Variants in ZDHHC2 observed in about 807,000 individuals in gnomAD.
The protein encoded by ZDHHC2 is zDHHC palmitoyltransferase 2, also known as palmitoyltransferase ZDHHC2.
ZDHHC2 carries 51 observed loss-of-function variants against 55.6 expected under a neutral mutation model. The ratio of observed to expected loss-of-function variants is 0.92; its 90% CI spans 0.73 to 1.16. The LOEUF (loss-of-function observed/expected upper bound fraction) is 1.16, where lower values mean the gene tolerates loss of function less well. Ranked by LOEUF, ZDHHC2 falls within the 50% of genes most tolerant of loss-of-function variation. ZDHHC2 has a pLI of 0.00. For synonymous variants in ZDHHC2, 199 were observed against 152.9 expected (o/e 1.30, Z -2.22); for missense variants, 491 against 442.4 (o/e 1.11, Z -0.99).
intron 10 of ZDHHC2, among the ~76,000 whole-genome samples, chr8:17,211,450 A>G (rs1394374101): frequency 2.0e-5 from 3 of 152,152 alleles, no homozygotes; most frequent in South Asian, 2.1e-4. Flanking sequence ...CCTGGTAGCC[A>G]TTCTAAAGTT....
At chr8:17,204,857 A>G (rs776976012) in intron 6 of ZDHHC2, among the ~76,000 whole-genome samples, 1 of 152,180 alleles carries the variant, frequency 6.6e-6, no homozygotes, top group African/African-American at 2.4e-5. Flanking sequence ...AAAAATCTTA[A>G]CAAAAAGAAA....
chr8:17,173,143 C>T (rs374612701), intron 1 of ZDHHC2, among the ~76,000 whole-genome samples: 9 of 152,132 alleles, frequency 5.9e-5, no homozygotes, highest in African/African-American at 1.9e-4. Context: ...AGGAAGAGAA[C>T]GGCTGCCCAG....
chr8:17,211,871 A>G (rs1807400359), intron 10 of ZDHHC2, among the ~76,000 whole-genome samples: 1 of 152,184 alleles, frequency 6.6e-6, no homozygotes, highest in African/African-American at 2.4e-5. Context: ...ATATACCTCA[A>G]TGCAGAAAAA....
rs1490687346 is a variant in ZDHHC2 at position 17,221,604 on chromosome 8, T to C, written c.*1383T>C. Reference sequence around the variant, plus strand: ...ACCAAACATTCAACACAAAATAAACTAGAAGGCCAGAGGATAATGGAATAA... The same window carrying C: ...ACCAAACATTCAACACAAAATAAACCAGAAGGCCAGAGGATAATGGAATAA... On this transcript the variant is annotated 3_prime_UTR_variant, in exon 13 of 13. Transcript: ENST00000262096. 6.6e-6 allele frequency: 1 copy of C among 152,442 alleles called. No homozygotes were observed. Among genetic ancestry groups the C allele is most frequent in the Non-Finnish European group, 1.5e-5 (1 of 67,960 alleles). The allele number at this position is 152,442 out of a possible 1,614,324, so 9.4% of individuals were successfully genotyped here.
At chr8:17,200,535 A>G (rs1234086872) in intron 6 of ZDHHC2, among the ~76,000 whole-genome samples, 1 of 152,228 alleles carries the variant, frequency 6.6e-6, no homozygotes, top group African/African-American at 2.4e-5. Context: ...AGGGATTGTG[A>G]TGACAAGGAA....
At chr8:17,182,992 C>A (rs1464640907) in intron 1 of ZDHHC2, among the ~76,000 whole-genome samples, 1 of 152,188 alleles carries the variant, frequency 6.6e-6, no homozygotes, top group African/African-American at 2.4e-5. Flanking sequence ...GAACTCTTGA[C>A]CTCAGGTGAT....
rs530541058 is a variant in ZDHHC2 at position 17,208,335 on chromosome 8, T to C, written c.730+243T>C. 1.8e-4 allele frequency among the ~76,000 whole-genome samples: 27 copies of C among 149,982 alleles called. No homozygotes were observed. The South Asian group carries it at 5.0e-3, about 28-fold the overall frequency. On this transcript the variant is annotated intron_variant, in intron 8 of 12. Coordinates refer to ENST00000262096, the MANE Select transcript of ZDHHC2 (RefSeq NM_016353.5). ...CTATATATATATCTATATATAGATATATAGATATAGTGGCATATAGATATA... is the reference window on the plus strand; with the variant it reads ...CTATATATATATCTATATATAGATACATAGATATAGTGGCATATAGATATA...
intron 10 of ZDHHC2, among the ~76,000 whole-genome samples, chr8:17,214,710 A>G (rs1302541171): frequency 6.6e-6 from 1 of 152,046 alleles, no homozygotes; most frequent in Non-Finnish European, 1.5e-5. Context: ...GGCATTTGTG[A>G]TCAGGCTGGG....
At chr8:17,191,992 G>T (rs1276118354) in intron 3 of ZDHHC2, among the ~76,000 whole-genome samples, 1 of 151,872 alleles carries the variant, frequency 6.6e-6, no homozygotes, top group African/African-American at 2.4e-5. Context: ...TTACTTTATT[G>T]GTATTTTTTG....
intron 10 of ZDHHC2, among the ~76,000 whole-genome samples, 189 bp downstream of exon 10, chr8:17,210,669 A>T (rs1374558812): frequency 1.3e-5 from 2 of 152,208 alleles, no homozygotes; most frequent in African/African-American, 4.8e-5. Context: ...ATACTTGTAA[A>T]ATGGTGTTAT....
At position 17,202,424 on chromosome 8, in the gene ZDHHC2, A is replaced by G. The variant is rs530795011; in HGVS notation, c.477-3231A>G. 4.6e-5 allele frequency among the ~76,000 whole-genome samples: 7 copies of G among 152,264 alleles called. No individual in the cohort carries two copies. In the South Asian group the frequency reaches 1.4e-3, roughly 32 times the overall value. ...TTACTTCAAAGGCCACACTCCTTCC[A>G]ATGTATTATGTTCTTTTTCAAATTT... is the stretch of plus-strand genomic sequence containing the variant. On this transcript the variant is annotated intron_variant, in intron 6 of 12. Coordinates refer to ENST00000262096, the MANE Select transcript of ZDHHC2 (RefSeq NM_016353.5).
At chr8:17,195,390 A>G in intron 3 of ZDHHC2, 114 bp from the exon 4 acceptor site, 1 of 1,225,206 alleles carries the variant, frequency 8.2e-7, no homozygotes, top group Non-Finnish European at 1.1e-6. Context: ...GTCTCTTTGA[A>G]TGTACAATAT....
rs545274127 is a variant in ZDHHC2, at chr8:17,174,174, G to A, written c.131-10615G>A. The stretch of plus-strand genomic sequence containing the variant: ...GCGTAATCACAGCTCGTGCTGCCTC[G>A]ACCACCCAGATTTAATCAATCTTTC... On this transcript the variant is annotated intron_variant, in intron 1 of 12. Coordinates refer to ENST00000262096, the MANE Select transcript of ZDHHC2 (RefSeq NM_016353.5). Among the ~76,000 whole-genome samples, 430 of 149,518 alleles carry A rather than the reference G, an allele frequency of 2.9e-3. 2 individuals are homozygous for A. Among genetic ancestry groups the A allele is most frequent in the Non-Finnish European group, 3.0e-3 (204 of 67,684 alleles).
chr8:17,182,246 G>C (rs1805467657), intron 1 of ZDHHC2, among the ~76,000 whole-genome samples: 1 of 152,118 alleles, frequency 6.6e-6, no homozygotes. Flanking sequence ...ACAGATATGA[G>C]ATTTCTGTCC....
At chr8:17,194,938 C>T (rs1411555010) in intron 3 of ZDHHC2, among the ~76,000 whole-genome samples, 1 of 152,090 alleles carries the variant, frequency 6.6e-6, no homozygotes, top group Non-Finnish European at 1.5e-5. Flanking sequence ...TATTATTAAA[C>T]AGAAGCCCAA....
intron 1 of ZDHHC2, among the ~76,000 whole-genome samples, chr8:17,169,277 G>C (rs894486998): frequency 6.7e-6 from 1 of 148,434 alleles, no homozygotes; most frequent in Admixed American, 6.8e-5. Flanking sequence ...TCATGGTTCA[G>C]CAGAAAAGCT....
At chr8:17,157,143 C>T (rs893605371) in intron 1 of ZDHHC2, among the ~76,000 whole-genome samples, 1 of 152,138 alleles carries the variant, frequency 6.6e-6, no homozygotes, top group African/African-American at 2.4e-5. Context: ...GCCACACCCC[C>T]TAGAGGGGCG....
intron 1 of ZDHHC2, among the ~76,000 whole-genome samples, chr8:17,169,077 G>T (rs1405653291): frequency 6.6e-6 from 1 of 152,100 alleles, no homozygotes; most frequent in East Asian, 1.9e-4. Flanking sequence ...TGGTAATTCT[G>T]TGTTTAATTT....
At chr8:17,161,342 A>T (rs1204210485) in intron 1 of ZDHHC2, among the ~76,000 whole-genome samples, 1 of 152,228 alleles carries the variant, frequency 6.6e-6, no homozygotes, top group African/African-American at 2.4e-5. Context: ...ATTACTTTAA[A>T]AACTGTGTAG....
Sources: gnomAD v4.1 joint callset for allele counts (sites outside exome capture counted in the v4.1 genomes callset) on GRCh38, gnomAD v4.1.1 for gene constraint, MANE v1.5 for transcripts, NCBI Gene and HGNC (gene_info 2026-07-23, HGNC 2026-07-21) for gene names.